Variants in ARSK observed in about 807,000 individuals in gnomAD.
ARSK encodes arylsulfatase K.
In ARSK, 37 loss-of-function variants were observed where a neutral mutation model predicts 53.2. The observed-to-expected ratio is 0.70, with a 90% CI of 0.54 to 0.92. ARSK has a LOEUF of 0.92. Ranked by LOEUF, ARSK falls within the 40% of genes least tolerant of loss-of-function variation. The pLI, the probability that ARSK is intolerant of heterozygous loss-of-function variation, is 0.00. For synonymous variants in ARSK, 208 were observed against 223.2 expected (o/e 0.93, Z 0.61); for missense variants, 613 against 643.0 (o/e 0.95, Z 0.51).
In ARSK at chr5:95,576,200, CTT is replaced by C. The variant is rs60974669; in HGVS notation, c.417-6700_417-6699del. On this transcript the variant is annotated intron_variant, in intron 3 of 7. Transcript: ENST00000380009. ...TATGATGTCTCACGTAAGTGTATAC[CTT>C]TTTTTTTTTTTTTTTGAGATGGATT... Among the ~76,000 whole-genome samples the C allele has an allele frequency of 4.3e-3, 562 of 130,182 alleles. 2 individuals are homozygous for C. The highest frequency in any genetic ancestry group is 0.016 in the African/African-American group (520 of 32,798). The allele number at this position is 130,182 out of a possible 152,430, so 85.4% of individuals were successfully genotyped here.
Position 95,568,042 on chromosome 5 carries a change from T to C in ARSK, c.409T>C (p.Ser137Pro). ...GKLDYTSGHH[S>P]ISNRVEAWTR... The stretch of plus-strand genomic sequence containing the variant: ...ACTGGACTATACTTCAGGACATCAC[T>C]CCATTAGGTAAAAATAAAACAAAAA... The change falls in exon 3 of 8, where the codon TCC becomes CCC. Residue 137 changes from serine to proline, a missense_variant. By Grantham distance (74) the Ser-to-Pro change is moderately conservative (BLOSUM62 -1). Transcript: ENST00000380009. 2 of 1,612,948 alleles carry C rather than the reference T, an allele frequency of 1.2e-6. No individual in the cohort carries two copies. Among genetic ancestry groups the C allele is most frequent in the Non-Finnish European group, 1.7e-6 (2 of 1,179,538 alleles).
chr5:95,575,916 T>C (rs1748916408), intron 3 of ARSK, among the ~76,000 whole-genome samples: 1 of 152,208 alleles, frequency 6.6e-6, no homozygotes, highest in Non-Finnish European at 1.5e-5. Flanking sequence ...CTTCCAGTAC[T>C]ATGTTCAATA....
At chr5:95,561,669 T>A (rs1453676225) in intron 1 of ARSK, among the ~76,000 whole-genome samples, 1 of 152,250 alleles carries the variant, frequency 6.6e-6, no homozygotes, top group African/African-American at 2.4e-5. Flanking sequence ...TATGATTCCA[T>A]TCATATGAAA....
intron 1 of ARSK, chr5:95,556,212 C>T: frequency 1.4e-6 from 1 of 702,090 alleles, no homozygotes; most frequent in Non-Finnish European, 2.6e-6. Context: ...TCGTAGATTC[C>T]TGATGATTAA....
chr5:95,568,326 C>A (rs1231201678), intron 3 of ARSK, among the ~76,000 whole-genome samples: 1 of 152,084 alleles, frequency 6.6e-6, no homozygotes. Flanking sequence ...CATTGAATTT[C>A]CTTTAATGGC....
At chr5:95,560,454 A>G (rs1418006279) in intron 1 of ARSK, among the ~76,000 whole-genome samples, 1 of 152,200 alleles carries the variant, frequency 6.6e-6, no homozygotes, top group African/African-American at 2.4e-5. Flanking sequence ...TATCTTAACT[A>G]CACCAATCAA....
chr5:95,601,101 ATAT>A (rs746101689), intron 7 of ARSK, 30 bp downstream of exon 7: 14 of 1,569,778 alleles, frequency 8.9e-6, no homozygotes, highest in South Asian at 2.2e-5. Flanking sequence ...TTTAAGTGTA[ATAT>A]TATGTGTAAT....
chr5:95,600,921 A>C lies in ARSK; in HGVS notation c.1171A>C (p.Asn391His). 1 of 1,614,112 alleles carries C rather than the reference A, an allele frequency of 6.2e-7. No individual in the cohort carries two copies. The highest frequency in any genetic ancestry group is 8.5e-7 in the Non-Finnish European group (1 of 1,179,976). ...GCCGTTATCATCAGAAACATTTAAG[A>C]ATGAACATAAAGTCAAAAACCTGCA... ...LLPLSSETFKNEHKVKNLHPP... is the reference protein window; with the variant it reads ...LLPLSSETFKHEHKVKNLHPP... Residue 391 changes from asparagine to histidine, a missense_variant, in exon 7 of 8, where the codon AAT becomes CAT. Asn to His is a moderately conservative substitution (Grantham distance 68). Transcript: ENST00000380009.
At chr5:95,593,344 T>C (rs755090523) in intron 6 of ARSK, among the ~76,000 whole-genome samples, 4 of 152,204 alleles carry the variant, frequency 2.6e-5, no homozygotes, top group Non-Finnish European at 5.9e-5. Flanking sequence ...TGCCATTTTA[T>C]CTATTTGACT....
intron 3 of ARSK, 23 bp from the exon 4 acceptor site, chr5:95,582,893 T>C: frequency 1.9e-6 from 3 of 1,574,190 alleles, no homozygotes; most frequent in Non-Finnish European, 2.6e-6. Flanking sequence ...CCTGACAATA[T>C]ATGTGTCTTT....
chr5:95,555,455 C>CCT lies in ARSK; in HGVS notation c.126+51_126+52insCT, dbSNP rs1748477186. On this transcript the variant is annotated intron_variant, in intron 1 of 7. Coordinates refer to ENST00000380009, the MANE Select transcript of ARSK (RefSeq NM_198150.3). This position sits in a 1 kb window ranked among gnomAD's most constrained non-coding sequence, Gnocchi z 4.0. ...GCGCCCCGCTGGGGATCGGCGACCT[C>CCT]ACCGCCGCCGCCTGTGCTGCAGGCT... 6.5e-7 allele frequency: 1 copy of CCT among 1,549,242 alleles called. No individual in the cohort carries two copies. The highest frequency in any genetic ancestry group is 8.7e-7 in the Non-Finnish European group (1 of 1,144,964).
intron 4 of ARSK, 48 bp downstream of exon 4, chr5:95,583,246 C>A: frequency 7.2e-7 from 1 of 1,384,670 alleles, no homozygotes; most frequent in Non-Finnish European, 9.5e-7. Context: ...ATATATGTGG[C>A]TTATTGGTAT....
At chr5:95,567,635 G>A (rs936685304) in intron 2 of ARSK, among the ~76,000 whole-genome samples, 1 of 152,166 alleles carries the variant, frequency 6.6e-6, no homozygotes, top group Non-Finnish European at 1.5e-5. Context: ...AATTCCAGCT[G>A]TATTTACCTT....
rs1325973151 is a variant in ARSK at position 95,568,045 on chromosome 5, A to G, written c.412A>G (p.Ile138Val). The change falls in exon 3 of 8, where the codon ATT becomes GTT. Residue 138 changes from isoleucine (I) to valine (V), a missense_variant. Ile to Val is a conservative substitution (Grantham distance 29, BLOSUM62 3). Coordinates refer to ENST00000380009, the MANE Select transcript of ARSK (RefSeq NM_198150.3). ...KLDYTSGHHS[I>V]SNRVEAWTRD... ...GGACTATACTTCAGGACATCACTCC[A>G]TTAGGTAAAAATAAAACAAAAATAA... The G allele has an allele frequency of 1.2e-6, 2 of 1,612,934 alleles. No individual in the cohort carries two copies. The highest frequency in any genetic ancestry group is 1.1e-5 in the South Asian group (1 of 90,954).
intron 3 of ARSK, among the ~76,000 whole-genome samples, chr5:95,582,001 A>G (rs959051083): frequency 5.3e-5 from 8 of 152,194 alleles, no homozygotes; most frequent in African/African-American, 1.9e-4. Context: ...TAGCTTATAT[A>G]TGGGTGGTTA....
intron 4 of ARSK, 76 bp from the exon 5 acceptor site, chr5:95,586,486 T>C (rs1580226495): frequency 1.7e-6 from 2 of 1,145,738 alleles, no homozygotes; most frequent in East Asian, 4.8e-5. Flanking sequence ...ATTGTTGATT[T>C]CATCATACAT....
intron 1 of ARSK, among the ~76,000 whole-genome samples, chr5:95,557,302 T>C (rs919040899): frequency 6.6e-6 from 1 of 152,150 alleles, no homozygotes; most frequent in Non-Finnish European, 1.5e-5. Context: ...ATCTAGAAAG[T>C]ATATAATATT....
At chr5:95,591,660 A>G (rs1448746464) in intron 6 of ARSK, 35 bp downstream of exon 6, 2 of 1,599,928 alleles carry the variant, frequency 1.3e-6, no homozygotes, top group Non-Finnish European at 1.7e-6. Flanking sequence ...TTTATTTGTA[A>G]TAATGCTGGA....
Position 95,596,553 on chromosome 5 carries a change from A to G in ARSK, c.1097-4294A>G, listed in dbSNP as rs539615747. On this transcript the variant is annotated intron_variant, in intron 6 of 7. Coordinates refer to ENST00000380009, the MANE Select transcript of ARSK (RefSeq NM_198150.3). ...TCTTCTGGAAACTAAAAATGAAATT[A>G]AAATCCTGAAATGTCTGTTAAACAG... is the stretch of plus-strand genomic sequence containing the variant. Among the ~76,000 whole-genome samples, 43 of 152,300 alleles carry G rather than the reference A, an allele frequency of 2.8e-4. No individual in the cohort carries two copies. The South Asian group carries it at 8.9e-3, about 32-fold the overall frequency.
Sources: gnomAD v4.1 joint callset for allele counts (sites outside exome capture counted in the v4.1 genomes callset) on GRCh38, gnomAD v4.1.1 for gene constraint, Gnocchi (gnomAD v3.1) non-coding constraint, MANE v1.5 for transcripts, NCBI Gene and HGNC (gene_info 2026-07-23, HGNC 2026-07-21) for gene names.